The following NEK10 variants were observed in gnomAD, a reference collection of about 807,000 sequenced individuals.
NEK10 encodes NIMA related kinase 10.
NEK10 carries 122 observed loss-of-function variants against 159.8 expected under a neutral mutation model. The observed-to-expected ratio is 0.76, with a 90% CI of 0.66 to 0.89. NEK10 has a LOEUF of 0.89. Ranked by LOEUF, NEK10 falls within the 40% of genes least tolerant of loss-of-function variation. NEK10 has a pLI of 0.00. For missense variants in NEK10, 1,342 were observed against 1,323.1 expected, an observed-to-expected ratio of 1.01 and a Z score of -0.22; for synonymous variants, 466 against 457.1, an observed-to-expected ratio of 1.02 and a Z score of -0.25.
intron 23 of NEK10, chr3:27,215,649 G>A: frequency 1.8e-6 from 1 of 563,690 alleles, no homozygotes; most frequent in Non-Finnish European, 3.2e-6. Context: ...CATTTAAAGA[G>A]TGTATGAATC....
chr3:27,297,878 G>C (rs1376838483), intron 13 of NEK10, among the ~76,000 whole-genome samples: 1 of 152,170 alleles, frequency 6.6e-6, no homozygotes, highest in African/African-American at 2.4e-5. Flanking sequence ...AAGTATGCCA[G>C]ACTCTATAGC....
In NEK10 at chr3:27,317,866, G is replaced by A. The variant is rs533375154; in HGVS notation, c.448-3528C>T. On this transcript the variant is annotated intron_variant, in intron 6 of 35. Coordinates refer to ENST00000691995, the MANE Select transcript of NEK10 (RefSeq NM_001394966.1). Reference sequence around the variant, plus strand: ...TGCCCAGGCTGGAGTGCAGTGGCGCGATCTTGGCTCACTGCAAGCTCCGCC... The same window carrying A: ...TGCCCAGGCTGGAGTGCAGTGGCGCAATCTTGGCTCACTGCAAGCTCCGCC... Among the ~76,000 whole-genome samples, 278 of 152,096 alleles carry A rather than the reference G, an allele frequency of 1.8e-3. 7 individuals are homozygous for A. The highest frequency in any genetic ancestry group is 0.013 in the Admixed American group (203 of 15,276).
chr3:27,285,167 G>C (rs190401412), intron 20 of NEK10, among the ~76,000 whole-genome samples: 160 of 152,270 alleles, frequency 1.1e-3, no homozygotes, highest in African/African-American at 3.8e-3. Context: ...CCCAGCCACA[G>C]TTATCTTCTG....
At chr3:27,347,188 T>G (rs1284965847) in intron 3 of NEK10, among the ~76,000 whole-genome samples, 1 of 152,206 alleles carries the variant, frequency 6.6e-6, no homozygotes. Flanking sequence ...GTTGTCTTAT[T>G]TCACTGAAGT....
intron 11 of NEK10, among the ~76,000 whole-genome samples, chr3:27,305,481 T>G (rs1423098240): frequency 6.6e-6 from 1 of 151,718 alleles, no homozygotes; most frequent in Non-Finnish European, 1.5e-5. Context: ...CCGAGGTCAC[T>G]TGCCACTGCA....
intron 26 of NEK10, among the ~76,000 whole-genome samples, chr3:27,180,295 G>A (rs1575128539): frequency 6.6e-6 from 1 of 151,430 alleles, no homozygotes; most frequent in Admixed American, 6.6e-5. Flanking sequence ...TTGAGGAGGC[G>A]AAGGCAGGAG....
chr3:27,182,321 T>A (rs1159748265), intron 26 of NEK10, among the ~76,000 whole-genome samples: 1 of 152,140 alleles, frequency 6.6e-6, no homozygotes, highest in Admixed American at 6.5e-5. Context: ...ATTCAAAACA[T>A]CATGTTGTAT....
intron 26 of NEK10, among the ~76,000 whole-genome samples, chr3:27,180,055 T>A (rs984580154): frequency 6.6e-5 from 10 of 151,736 alleles, no homozygotes; most frequent in African/African-American, 2.4e-4. Context: ...CACTCCAGCC[T>A]GGGCAACAGA....
chr3:27,314,368 T>C (rs1198153278), intron 6 of NEK10, 30 bp from the exon 7 acceptor site: 1 of 1,426,212 alleles, frequency 7.0e-7, no homozygotes, highest in Non-Finnish European at 9.8e-7. Context: ...AAAACACATG[T>C]AAATGATGAG....
intron 30 of NEK10, among the ~76,000 whole-genome samples, chr3:27,142,920 T>C (rs1943927070): frequency 6.6e-6 from 1 of 152,218 alleles, no homozygotes; most frequent in Non-Finnish European, 1.5e-5. Flanking sequence ...CTTGTTTAAA[T>C]GTTTGAAATT....
At chr3:27,155,903 A>G (rs1945361614) in intron 30 of NEK10, among the ~76,000 whole-genome samples, 1 of 152,210 alleles carries the variant, frequency 6.6e-6, no homozygotes, top group African/African-American at 2.4e-5. Context: ...CTATAAGGCC[A>G]TAGTCACCAA....
chr3:27,290,821 A>G, intron 18 of NEK10, 67 bp from the exon 19 acceptor site: 1 of 1,261,582 alleles, frequency 7.9e-7, no homozygotes, highest in Non-Finnish European at 1.1e-6. Flanking sequence ...GAGAAAGAGG[A>G]AGAAAGAGAT....
chr3:27,129,285 A>C (rs1251161738), intron 32 of NEK10, among the ~76,000 whole-genome samples: 2 of 152,138 alleles, frequency 1.3e-5, no homozygotes, highest in Non-Finnish European at 2.9e-5. Flanking sequence ...AAGTAGGCAC[A>C]GTCATCCCAT....
chr3:27,257,869 A>G (rs1329605329), intron 22 of NEK10, among the ~76,000 whole-genome samples: 1 of 151,052 alleles, frequency 6.6e-6, no homozygotes, highest in East Asian at 1.9e-4. Flanking sequence ...GCTTACTGCA[A>G]GCTCTGCCTG....
rs144456160 is a variant in NEK10 at position 27,110,194 on chromosome 3, T to A, written c.*1078A>T. The A allele has an allele frequency of 1.5e-4, 23 of 151,854 alleles. No individual in the cohort carries two copies. The highest frequency in any genetic ancestry group is 5.5e-4 in the African/African-American group (23 of 41,504). 9.4% of individuals were successfully genotyped at this position (151,854 alleles called of 1,614,324 possible). A position where few individuals can be genotyped will look rare whatever the true frequency, so the allele number is the denominator to read the frequency against. ...CAGATTTCGCAATAAGGGTATTTCT[T>A]GACATTACACCAGAGTTTTAAGAAG... is the stretch of plus-strand genomic sequence containing the variant. On this transcript the variant is annotated 3_prime_UTR_variant, in exon 36 of 36. Coordinates refer to ENST00000691995, the MANE Select transcript of NEK10 (RefSeq NM_001394966.1).
At chr3:27,204,475 A>C (rs1575233654) in intron 23 of NEK10, among the ~76,000 whole-genome samples, 1 of 77,198 alleles carries the variant, frequency 1.3e-5, no homozygotes, top group Non-Finnish European at 2.4e-5. Flanking sequence ...CCACCCCACC[A>C]CAGTCCCCAG....
intron 32 of NEK10, among the ~76,000 whole-genome samples, chr3:27,126,520 G>T (rs189414806): frequency 6.6e-6 from 1 of 152,212 alleles, no homozygotes; most frequent in Admixed American, 6.5e-5. Flanking sequence ...CAGTGGGCAG[G>T]TACTATATTT....
rs1939476866 is a variant in NEK10, at chr3:27,111,147, C to T, written c.*125G>A. Reference sequence around the variant, plus strand: ...CCCCAGAAAGAAGTCCTGCAGGCCCCATGGCATCTTGGTCTTTTCCACACC... The same window carrying T: ...CCCCAGAAAGAAGTCCTGCAGGCCCTATGGCATCTTGGTCTTTTCCACACC... On this transcript the variant is annotated 3_prime_UTR_variant, in exon 36 of 36. Coordinates refer to ENST00000691995, the MANE Select transcript of NEK10 (RefSeq NM_001394966.1). 1.2e-6 allele frequency: 1 copy of T among 802,526 alleles called. No homozygotes were observed. Among genetic ancestry groups the T allele is most frequent in the Non-Finnish European group, 2.0e-6 (1 of 497,466 alleles). 49.7% of individuals were successfully genotyped at this position (802,526 alleles called of 1,614,324 possible).
At chr3:27,134,030 G>T (rs1322756166) in intron 31 of NEK10, among the ~76,000 whole-genome samples, 1 of 152,058 alleles carries the variant, frequency 6.6e-6, no homozygotes, top group South Asian at 2.1e-4. Context: ...TGAAATGAAA[G>T]GAGGAAATTT....
Sources: allele counts gnomAD v4.1 joint callset (sites outside exome capture counted in the v4.1 genomes callset), GRCh38; gene constraint gnomAD v4.1.1; transcripts MANE v1.5; gene names NCBI Gene and HGNC (gene_info 2026-07-23, HGNC 2026-07-21).